Variants in C9orf85 observed in about 807,000 individuals in gnomAD.
C9orf85 encodes the protein chromosome 9 open reading frame 85.
A neutral mutation model predicts 14.9 loss-of-function variants in C9orf85; 16 were observed. The observed-to-expected ratio is 1.08, with a 90% confidence interval of 0.73 to 1.63. C9orf85 has a LOEUF of 1.63. Among genes scored for constraint, C9orf85 ranks in the 40% most tolerant of loss-of-function variants. The probability of loss-of-function intolerance (pLI) is 0.00; values close to 1 mark genes in which losing one functional copy is unlikely to be tolerated. For synonymous variants in C9orf85, 45 were observed against 56.8 expected, an observed-to-expected ratio of 0.79 and a Z score of 0.93; for missense variants, 172 against 186.1, an observed-to-expected ratio of 0.92 and a Z score of 0.44.
intron 1 of C9orf85, among the ~76,000 whole-genome samples, chr9:71,913,784 C>T (rs751897111): frequency 6.6e-5 from 10 of 152,054 alleles, no homozygotes; most frequent in Non-Finnish European, 1.3e-4. Flanking sequence ...TTTCATTGTG[C>T]ATTTTCTTGG....
intron 2 of C9orf85, among the ~76,000 whole-genome samples, chr9:71,965,616 A>G (rs1447401879): frequency 2.0e-5 from 3 of 152,012 alleles, no homozygotes; most frequent in South Asian, 2.1e-4. Flanking sequence ...TGTTTTTTGT[A>G]TAGATGGGGT....
At chr9:71,920,675 G>T (rs1827776384) in intron 1 of C9orf85, among the ~76,000 whole-genome samples, 1 of 152,134 alleles carries the variant, frequency 6.6e-6, no homozygotes, top group Non-Finnish European at 1.5e-5. Context: ...CACCCCAGCT[G>T]CCAGCTCACT....
chr9:71,931,709 G>A (rs928639078), intron 1 of C9orf85, among the ~76,000 whole-genome samples: 1 of 152,124 alleles, frequency 6.6e-6, no homozygotes, highest in African/African-American at 2.4e-5. Flanking sequence ...GTAAGGAAAT[G>A]ATTTAATTAA....
intron 1 of C9orf85, among the ~76,000 whole-genome samples, chr9:71,915,226 G>T (rs924176840): frequency 6.7e-6 from 1 of 149,264 alleles, no homozygotes; most frequent in Admixed American, 6.7e-5. Context: ...CTCTCGCCCA[G>T]GCTGGAGTGC....
intron 1 of C9orf85, among the ~76,000 whole-genome samples, chr9:71,924,445 T>C (rs533814778): frequency 4.3e-4 from 66 of 152,252 alleles, no homozygotes; most frequent in Non-Finnish European, 8.4e-4. Context: ...CAGAGTCTTA[T>C]GTCATAAAGA....
At chr9:71,982,632 CTTTTTTT>C in intron 3 of C9orf85, 24 of 247,198 alleles carry the variant, frequency 9.7e-5, no homozygotes, top group East Asian at 5.2e-4. Flanking sequence ...TTGTATATTT[CTTTTTTT>C]TTTTTTTTTT....
rs1049654209 is a variant in C9orf85 at position 71,914,409 on chromosome 9, C to A, written c.102+2573C>A. ...GCCCAAGACAATTCTTCCAGTATGG[C>A]CCAGAGAAGCCAAAAGATTGGACAC... is the stretch of plus-strand genomic sequence containing the variant. On this transcript the variant is annotated intron_variant, in intron 1 of 3. Transcript: ENST00000334731. 4.6e-5 allele frequency among the ~76,000 whole-genome samples: 7 copies of A among 151,938 alleles called. No individual in the cohort carries two copies. In the East Asian group the frequency reaches 1.2e-3, roughly 25 times the overall value.
intron 1 of C9orf85, chr9:71,918,592 T>G (rs1827714829): frequency 1.3e-5 from 5 of 392,784 alleles, no homozygotes; most frequent in South Asian, 1.1e-4. Flanking sequence ...TTACAGCCAC[T>G]CCCCAACTCT....
chr9:71,963,755 C>T lies in C9orf85; in HGVS notation c.210-7750C>T, dbSNP rs149094477. Reference sequence around the variant, plus strand: ...ACTGGCGCTGCGCTTGATTTCTCCCCGGGCCTTAGCTGCCTTCCTGCGGGG... The same window carrying T: ...ACTGGCGCTGCGCTTGATTTCTCCCTGGGCCTTAGCTGCCTTCCTGCGGGG... On this transcript the variant is annotated intron_variant, in intron 2 of 3. Coordinates refer to ENST00000334731, the MANE Select transcript of C9orf85 (RefSeq NM_182505.5). 1.9e-3 allele frequency among the ~76,000 whole-genome samples: 297 copies of T among 152,320 alleles called. 1 individual carries two copies. The highest frequency in any genetic ancestry group is 6.9e-3 in the African/African-American group (286 of 41,574).
At chr9:71,964,637 C>G (rs1564098725) in intron 2 of C9orf85, among the ~76,000 whole-genome samples, 1 of 152,132 alleles carries the variant, frequency 6.6e-6, no homozygotes, top group Non-Finnish European at 1.5e-5. Context: ...GGAACAAACT[C>G]CAGACACGCC....
At chr9:71,969,951 C>CTT (rs56239010) in intron 2 of C9orf85, among the ~76,000 whole-genome samples, 73 of 148,012 alleles carry the variant, frequency 4.9e-4, no homozygotes, top group South Asian at 1.5e-3. Context: ...AGGGTTTTTT[C>CTT]TTTTTTTTTT....
At chr9:71,953,974 C>G (rs1822311241) in intron 2 of C9orf85, among the ~76,000 whole-genome samples, 1 of 152,018 alleles carries the variant, frequency 6.6e-6, no homozygotes, top group Non-Finnish European at 1.5e-5. Flanking sequence ...CTGACGCGCA[C>G]CTGTGGTCCT....
chr9:71,968,438 A>G (rs539006311), intron 2 of C9orf85, among the ~76,000 whole-genome samples: 39 of 151,460 alleles, frequency 2.6e-4, no homozygotes, highest in African/African-American at 9.4e-4. Context: ...AAAAAAAATT[A>G]GGAGAGTTTT....
At chr9:71,935,696 T>G (rs1343937727) in intron 1 of C9orf85, among the ~76,000 whole-genome samples, 1 of 151,410 alleles carries the variant, frequency 6.6e-6, no homozygotes, top group Non-Finnish European at 1.5e-5. Context: ...AGTTGTAAAA[T>G]TATACAGACA....
rs888554993 is a variant in C9orf85, at chr9:71,939,338, G to GA, written c.103-7659dup. ...GACAAAACCAAAACCAAAGACATTGGAAAAAAAAATCCAAATTACTATAGA... is the reference window on the plus strand; with the variant it reads ...GACAAAACCAAAACCAAAGACATTGGAAAAAAAAAATCCAAATTACTATAGA... On this transcript the variant is annotated intron_variant, in intron 1 of 3. Transcript: ENST00000334731. Among the ~76,000 whole-genome samples the GA allele has an allele frequency of 9.3e-5, 14 of 149,764 alleles. No individual in the cohort carries two copies. The East Asian group carries it at 1.4e-3, about 15-fold the overall frequency.
chr9:71,975,114 A>G (rs1296009354), downstream of C9orf85, among the ~76,000 whole-genome samples: 2 of 152,238 alleles, frequency 1.3e-5, no homozygotes, highest in Non-Finnish European at 2.9e-5. Flanking sequence ...AAAGTATTCA[A>G]GAACTCTGTC....
intron 2 of C9orf85, among the ~76,000 whole-genome samples, chr9:71,969,478 G>C (rs1267020800): frequency 6.6e-6 from 1 of 152,084 alleles, no homozygotes; most frequent in East Asian, 1.9e-4. Context: ...GATCTATAGT[G>C]CTGTACCATC....
chr9:71,941,404 A>AC (rs1821925987), intron 1 of C9orf85, among the ~76,000 whole-genome samples: 1 of 152,200 alleles, frequency 6.6e-6, no homozygotes, highest in Non-Finnish European at 1.5e-5. Flanking sequence ...GTGCCTCCTG[A>AC]CTTGGAGTAA....
chr9:71,943,648 T>C (rs891509367), intron 1 of C9orf85, among the ~76,000 whole-genome samples: 4 of 151,888 alleles, frequency 2.6e-5, no homozygotes, highest in African/African-American at 9.7e-5. Context: ...GTTCAAAGGA[T>C]TCTCCTGCCT....
Sources: allele counts gnomAD v4.1 joint callset (sites outside exome capture counted in the v4.1 genomes callset), GRCh38; gene constraint gnomAD v4.1.1; transcripts MANE v1.5; gene names NCBI Gene and HGNC (gene_info 2026-07-23, HGNC 2026-07-21).